The following ITPR1 variants were observed in gnomAD, a reference collection of about 807,000 sequenced individuals.
ITPR1 encodes the protein inositol 1,4,5-trisphosphate receptor type 1.
In ITPR1, 96 loss-of-function variants were observed where a neutral mutation model predicts 318.4. The observed-to-expected ratio is 0.30, with a 90% confidence interval of 0.26 to 0.36. ITPR1 has a LOEUF of 0.36. Among genes scored for constraint, ITPR1 ranks in the 10% least tolerant of loss-of-function variants. The pLI is 1.00. For missense variants in ITPR1, 2,440 were observed against 3,460.2 expected (o/e 0.71, Z 7.40); for synonymous variants, 1,312 against 1,289.9 (o/e 1.02, Z -0.37).
Position 4,659,249 on chromosome 3 carries a change from A to G in ITPR1, c.1151+971A>G, listed in dbSNP as rs187295225. ...CATTTTTGTTTATGTAGTTTTAGAC[A>G]AGTCTCTGGTCACACAGAGATGACT... On this transcript the variant is annotated intron_variant, in intron 13 of 61. Transcript: ENST00000649015. Among the ~76,000 whole-genome samples, 847 of 152,308 alleles carry G rather than the reference A, an allele frequency of 5.6e-3. 23 individuals are homozygous for G. Among genetic ancestry groups the G allele is most frequent in the Non-Finnish European group, 1.4e-3 (96 of 68,028 alleles).
intron 5 of ITPR1, among the ~76,000 whole-genome samples, chr3:4,629,900 C>G (rs1478939120): frequency 1.3e-5 from 2 of 152,154 alleles, no homozygotes; most frequent in South Asian, 2.1e-4. Context: ...ACAATGGACT[C>G]AAAGACTTGG....
intron 4 of ITPR1, among the ~76,000 whole-genome samples, chr3:4,569,127 A>G (rs918734792): frequency 2.0e-5 from 3 of 152,194 alleles, no homozygotes; most frequent in African/African-American, 4.8e-5. Context: ...TCCAAACTCT[A>G]TGAATGGGGC....
intron 61 of ITPR1, among the ~76,000 whole-genome samples, chr3:4,841,014 G>C (rs2051304405): frequency 6.6e-6 from 1 of 152,158 alleles, no homozygotes; most frequent in South Asian, 2.1e-4. Context: ...GGGTTATCTT[G>C]CTAACATTAA....
intron 4 of ITPR1, among the ~76,000 whole-genome samples, chr3:4,576,019 CAAAAA>C (rs35517382): frequency 1.2e-5 from 1 of 80,774 alleles, no homozygotes; most frequent in African/African-American, 3.8e-5. Flanking sequence ...GATGCTGTCT[CAAAAA>C]AAAAAAAAAA....
chr3:4,669,914 GT>G (rs1488759821), intron 19 of ITPR1, 141 bp downstream of exon 19: 4 of 892,496 alleles, frequency 4.5e-6, no homozygotes, highest in Non-Finnish European at 6.1e-6. Context: ...TATTGGAAAA[GT>G]CTTGATTAGG....
intron 44 of ITPR1, among the ~76,000 whole-genome samples, chr3:4,754,842 C>T (rs114365781): frequency 0.03 from 4,508 of 152,296 alleles, 234 homozygotes; most frequent in African/African-American, 0.1. Context: ...CATCTGTTTT[C>T]AAGGGTATCG....
At chr3:4,642,572 T>C (rs1193921004) in intron 7 of ITPR1, among the ~76,000 whole-genome samples, 1 of 152,132 alleles carries the variant, frequency 6.6e-6, no homozygotes, top group African/African-American at 2.4e-5. Context: ...GATCCATTAG[T>C]GGAATAGAAA....
intron 46 of ITPR1, among the ~76,000 whole-genome samples, chr3:4,770,587 C>A (rs867889594): frequency 3.3e-5 from 5 of 152,152 alleles, no homozygotes; most frequent in Admixed American, 2.0e-4. Flanking sequence ...TGGGTTCTTT[C>A]TTTTCTTTGG....
intron 42 of ITPR1, among the ~76,000 whole-genome samples, chr3:4,728,860 A>C (rs1361662799): frequency 6.6e-6 from 1 of 152,192 alleles, no homozygotes; most frequent in African/African-American, 2.4e-5. Flanking sequence ...TCTTGCTCTG[A>C]TAGAGACATC....
intron 30 of ITPR1, among the ~76,000 whole-genome samples, chr3:4,686,954 C>G (rs2094405163): frequency 6.6e-6 from 1 of 152,200 alleles, no homozygotes; most frequent in Non-Finnish European, 1.5e-5. Flanking sequence ...AATGTAATCC[C>G]CATTATGTTG....
rs371385393 is a variant in ITPR1 at position 4,699,872 on chromosome 3, C to T, written c.4467C>T (p.Thr1489=). 4.5e-5 allele frequency: 73 copies of T among 1,613,548 alleles called. No homozygotes were observed. In the East Asian group the frequency reaches 6.2e-4, roughly 14 times the overall value. ...HADSILEKYV[T]EIVMSIVTTF... is the part of the protein sequence containing the mutation. ...ACTCGATTTTGGAGAAGTATGTCAC[C>T]GAAATCGTCATGAGTATTGTTACTA... The change falls in exon 35 of 62, where the codon ACC becomes ACT. Residue 1489 remains threonine, a synonymous_variant. Transcript: ENST00000649015.
chr3:4,514,797 A>G (rs561311766), intron 2 of ITPR1, among the ~76,000 whole-genome samples: 2 of 152,352 alleles, frequency 1.3e-5, no homozygotes, highest in East Asian at 1.9e-4. Flanking sequence ...GCTTTATAAT[A>G]TAAGCGCAGA....
chr3:4,559,187 A>G (rs1479751571), intron 4 of ITPR1, among the ~76,000 whole-genome samples: 1 of 151,572 alleles, frequency 6.6e-6, no homozygotes, highest in Admixed American at 6.6e-5. Context: ...AATAGTTAAT[A>G]CATTCAAGTC....
chr3:4,628,106 G>A (rs2092899695), intron 5 of ITPR1, among the ~76,000 whole-genome samples: 1 of 152,140 alleles, frequency 6.6e-6, no homozygotes, highest in Non-Finnish European at 1.5e-5. Flanking sequence ...CTCTTTGCAT[G>A]GGTAGCTTTG....
At position 4,847,072 on chromosome 3, in the gene ITPR1, G is replaced by A. The variant is rs41304181; in HGVS notation, c.*847G>A. ...CATCTCCTGGGTAAATTTTGATGTC[G>A]CATTATAAAGACATGCATAATTGAT... On this transcript the variant is annotated 3_prime_UTR_variant, in exon 62 of 62. Coordinates refer to ENST00000649015, the MANE Select transcript of ITPR1 (RefSeq NM_001378452.1). The A allele has an allele frequency of 0.053, 8,115 of 152,500 alleles. 311 individuals carry two copies. Among genetic ancestry groups the A allele is most frequent in the African/African-American group, 0.11 (4,502 of 41,460 alleles). 9.4% of individuals were successfully genotyped at this position (152,500 alleles called of 1,614,324 possible). A position where few individuals can be genotyped will look rare whatever the true frequency, so the allele number is the denominator to read the frequency against.
intron 4 of ITPR1, among the ~76,000 whole-genome samples, chr3:4,607,273 T>G (rs888186728): frequency 6.6e-6 from 1 of 152,176 alleles, no homozygotes; most frequent in South Asian, 2.1e-4. Context: ...TCTAGATGAT[T>G]TGACTGCACA....
At chr3:4,624,417 C>T (rs1419147297) in intron 4 of ITPR1, among the ~76,000 whole-genome samples, 1 of 152,078 alleles carries the variant, frequency 6.6e-6, no homozygotes, top group African/African-American at 2.4e-5. Flanking sequence ...GCCTGTAATC[C>T]CAGCACTTTG....
At chr3:4,512,475 G>A (rs768757257) in intron 2 of ITPR1, among the ~76,000 whole-genome samples, 15 of 152,082 alleles carry the variant, frequency 9.9e-5, no homozygotes, top group Non-Finnish European at 1.6e-4. Flanking sequence ...AGTGTAATTC[G>A]CTATTGTTCA....
chr3:4,513,691 G>A (rs1166483197), intron 2 of ITPR1, among the ~76,000 whole-genome samples: 1 of 152,146 alleles, frequency 6.6e-6, no homozygotes, highest in African/African-American at 2.4e-5. Context: ...TTGTGCATAA[G>A]AAGAAACTCA....
Sources: allele counts gnomAD v4.1 joint callset (sites outside exome capture counted in the v4.1 genomes callset), GRCh38; gene constraint gnomAD v4.1.1; transcripts MANE v1.5; gene names NCBI Gene and HGNC (gene_info 2026-07-23, HGNC 2026-07-21).